TTC17: variants seen among roughly 807,000 people sequenced by gnomAD.
TTC17 encodes tetratricopeptide repeat protein 17.
TTC17 carries 58 observed loss-of-function variants against 143.8 expected under a neutral mutation model. That is an observed-to-expected ratio of 0.40 (90% CI 0.33 to 0.50). TTC17 has a LOEUF of 0.50. Among genes scored for constraint, TTC17 ranks in the 20% least tolerant of loss-of-function variants. The pLI is 0.49. For synonymous variants in TTC17, 501 were observed against 497.8 expected (o/e 1.01, Z -0.09); for missense variants, 1,273 against 1,392.5 (o/e 0.91, Z 1.37).
At chr11:43,446,057 C>T in intron 18 of TTC17, 2 of 1,519,688 alleles carry the variant, frequency 1.3e-6, no homozygotes, top group African/African-American at 2.8e-5. Flanking sequence ...TTGAAGCCTT[C>T]CCATTGCCTA....
At chr11:43,359,297 C>A in intron 1 of TTC17, 184 bp downstream of exon 1, 1 of 718,370 alleles carries the variant, frequency 1.4e-6, no homozygotes, top group Non-Finnish European at 2.1e-6. Context: ...CCCCACTTGT[C>A]TCCTGGTCCT....
At position 43,407,166 on chromosome 11, in the gene TTC17, C is replaced by T. The variant is rs768884905; in HGVS notation, c.1790C>T (p.Thr597Ile). The change falls in exon 14 of 24, where the codon ACT becomes ATT. Residue 597 changes from threonine (T) to isoleucine (I), a missense_variant. Physicochemically the swap from Thr to Ile is moderately conservative, Grantham distance 89. Around this residue, in one of 3 missense-constraint regions of TTC17, gnomAD observed 878 missense variants for 899.8 expected, o/e 0.98. Coordinates refer to ENST00000039989, the MANE Select transcript of TTC17 (RefSeq NM_018259.6). ...KILLSRINNYTIPEEEIGSFL... is the reference protein window; with the variant it reads ...KILLSRINNYIIPEEEIGSFL... The stretch of plus-strand genomic sequence containing the variant: ...TTGCTTTCCCGTATTAATAACTATA[C>T]TATCCCAGAAGAAGAAATTGGGTCT... 55 of 1,597,410 alleles carry T rather than the reference C, an allele frequency of 3.4e-5. 1 individual carries two copies. The South Asian group carries it at 6.0e-4, about 17-fold the overall frequency.
chr11:43,414,528 G>A lies in TTC17; in HGVS notation c.2065-62G>A, dbSNP rs138802263. On this transcript the variant is annotated intron_variant, in intron 15 of 23. Transcript: ENST00000039989. ...GAGCCAAAAGCCATATACTGTAAAC[G>A]TTTTGTAACTCCCAGAAAATATTAG... The A allele has an allele frequency of 1.7e-3, 2,578 of 1,540,056 alleles. 17 individuals are homozygous for A. The highest frequency in any genetic ancestry group is 0.016 in the African/African-American group (1,120 of 72,126).
intron 16 of TTC17, chr11:43,436,105 C>G: frequency 8.1e-7 from 1 of 1,234,488 alleles, no homozygotes; most frequent in Non-Finnish European, 1.0e-6. Context: ...GGACCTTGTA[C>G]TGTAGTACTA....
chr11:43,470,079 A>C (rs1425415852), intron 21 of TTC17, among the ~76,000 whole-genome samples: 1 of 152,240 alleles, frequency 6.6e-6, no homozygotes, highest in Non-Finnish European at 1.5e-5. Context: ...GTATGACAAC[A>C]ATAATAAAAC....
chr11:43,453,670 A>G (rs1198939432), intron 21 of TTC17, among the ~76,000 whole-genome samples: 1 of 152,184 alleles, frequency 6.6e-6, no homozygotes. Flanking sequence ...AGCAAGCATT[A>G]TATATTTGTC....
At chr11:43,410,711 G>T (rs1290075020) in intron 15 of TTC17, among the ~76,000 whole-genome samples, 1 of 152,146 alleles carries the variant, frequency 6.6e-6, no homozygotes, top group African/African-American at 2.4e-5. Context: ...GGGCGCTCTA[G>T]AACAAAAGGC....
In TTC17 at chr11:43,474,974, G is replaced by A. The variant is rs76814476; in HGVS notation, c.3031-15265G>A. On this transcript the variant is annotated intron_variant, in intron 21 of 23. Coordinates refer to ENST00000039989, the MANE Select transcript of TTC17 (RefSeq NM_018259.6). ...TGAGGAGTAGGAACGGAAGAAGAGG[G>A]GTTGGTCTTGCTGTTTCAGGGGTAT... Among the ~76,000 whole-genome samples the A allele has an allele frequency of 7.5e-3, 1,149 of 152,222 alleles. 15 individuals are homozygous for A. The highest frequency in any genetic ancestry group is 0.027 in the African/African-American group (1,115 of 41,530).
intron 21 of TTC17, chr11:43,466,573 G>T (rs954775490): frequency 3.8e-6 from 1 of 260,014 alleles, no homozygotes; most frequent in Non-Finnish European, 8.1e-6. Context: ...ATATGCCAGG[G>T]TGATGACTTC....
Position 43,449,977 on chromosome 11 carries a change from G to T in TTC17, c.2787-105G>T, listed in dbSNP as rs530161837. 2.8e-4 allele frequency: 357 copies of T among 1,282,470 alleles called. 6 individuals are homozygous for T. In the South Asian group the frequency reaches 4.7e-3, roughly 17 times the overall value. The allele number at this position is 1,282,470 out of a possible 1,614,324, so 79.4% of individuals were successfully genotyped here. On this transcript the variant is annotated intron_variant, in intron 19 of 23. Transcript: ENST00000039989. Reference sequence around the variant, plus strand: ...GGATAGCATGTTGAAGCTATGATGAGCTGATTGTTAATGCTGTCTCTCCTT... The same window carrying T: ...GGATAGCATGTTGAAGCTATGATGATCTGATTGTTAATGCTGTCTCTCCTT...
chr11:43,422,555 G>A (rs1157469420), intron 16 of TTC17, among the ~76,000 whole-genome samples: 3 of 152,084 alleles, frequency 2.0e-5, no homozygotes, highest in Non-Finnish European at 4.4e-5. Flanking sequence ...AGGTCAGGAA[G>A]AAAAAGAGCA....
chr11:43,467,143 A>G (rs1947990531), intron 21 of TTC17, among the ~76,000 whole-genome samples: 1 of 152,244 alleles, frequency 6.6e-6, no homozygotes, highest in South Asian at 2.1e-4. Flanking sequence ...ACATTGAATT[A>G]CTATATGATT....
chr11:43,425,903 A>G (rs1947017225), intron 16 of TTC17, among the ~76,000 whole-genome samples: 1 of 152,242 alleles, frequency 6.6e-6, no homozygotes. Context: ...TTTTATAGGA[A>G]CAAACCTAAA....
intron 15 of TTC17, among the ~76,000 whole-genome samples, chr11:43,413,125 A>T (rs901976422): frequency 3.3e-5 from 5 of 152,314 alleles, no homozygotes; most frequent in African/African-American, 1.2e-4. Context: ...ATTGGTACAA[A>T]GATACTCAAA....
At chr11:43,466,772 C>T in intron 21 of TTC17, 1 of 314,558 alleles carries the variant, frequency 3.2e-6, no homozygotes, top group Admixed American at 3.3e-5. Flanking sequence ...TGATCTTTGG[C>T]AGGGTGAAAG....
chr11:43,447,293 G>A (rs72900965), intron 18 of TTC17, among the ~76,000 whole-genome samples: 2,365 of 152,256 alleles, frequency 0.016, 21 homozygotes, highest in Middle Eastern at 0.031. Context: ...CTTAGCATGG[G>A]ATCTGAATAC....
intron 1 of TTC17, among the ~76,000 whole-genome samples, chr11:43,360,135 T>G (rs548262216): frequency 6.6e-6 from 1 of 152,350 alleles, no homozygotes; most frequent in Admixed American, 6.5e-5. Flanking sequence ...TAATGAATCA[T>G]GATAGGAACA....
intron 21 of TTC17, among the ~76,000 whole-genome samples, chr11:43,453,995 T>G (rs1947714498): frequency 6.6e-6 from 1 of 152,214 alleles, no homozygotes; most frequent in Non-Finnish European, 1.5e-5. Context: ...GCAAGAGTGT[T>G]GTACTGCTTT....
At chr11:43,376,521 C>G (rs967922851) in intron 1 of TTC17, among the ~76,000 whole-genome samples, 1 of 152,132 alleles carries the variant, frequency 6.6e-6, no homozygotes, top group Non-Finnish European at 1.5e-5. Flanking sequence ...TGTGAAAAAG[C>G]CATAAAGTGC....
Sources: gnomAD v4.1 joint callset for allele counts (sites outside exome capture counted in the v4.1 genomes callset) on GRCh38, gnomAD v4.1.1 for gene constraint, gnomAD v4.1.1 regional missense constraint, MANE v1.5 for transcripts, NCBI Gene and HGNC (gene_info 2026-07-23, HGNC 2026-07-21) for gene names.